The following TM7SF3 variants were observed in gnomAD, a reference collection of about 807,000 sequenced individuals.
The protein encoded by TM7SF3 is transmembrane 7 superfamily member 3.
TM7SF3 carries 60 observed loss-of-function variants against 65.5 expected under a neutral mutation model. That is an observed-to-expected ratio of 0.92 (90% CI 0.74 to 1.14). TM7SF3 has a LOEUF of 1.14. Among genes scored for constraint, TM7SF3 ranks in the 50% most tolerant of loss-of-function variants. TM7SF3 has a pLI of 0.00. For missense variants in TM7SF3, 623 were observed against 684.8 expected (o/e 0.91, Z 1.01); for synonymous variants, 264 against 259.6 (o/e 1.02, Z -0.16).
In TM7SF3 at chr12:26,999,647, G is replaced by A; in HGVS notation, c.276C>T (p.Gly92=). ...GGATGAAAACCAGTCCACTGGCAGTGCCTGTTTCCGAGGAATTGGAAAGGA... is the reference window on the plus strand; with the variant it reads ...GGATGAAAACCAGTCCACTGGCAGTACCTGTTTCCGAGGAATTGGAAAGGA... The part of the protein sequence containing the change: ...PTLLSNSSET[G]TASGLVFILR... Residue 92 remains glycine, a synonymous_variant, in exon 3 of 12, where the codon GGC becomes GGT. Transcript: ENST00000343028. The A allele has an allele frequency of 6.2e-7, 1 of 1,614,102 alleles. No individual in the cohort carries two copies. Among genetic ancestry groups the A allele is most frequent in the Non-Finnish European group, 8.5e-7 (1 of 1,180,026 alleles).
In TM7SF3 at chr12:27,014,212, G is replaced by A; in HGVS notation, c.-44C>T. The A allele has an allele frequency of 6.5e-7, 1 of 1,533,646 alleles. No homozygotes were observed. Among genetic ancestry groups the A allele is most frequent in the Non-Finnish European group, 8.8e-7 (1 of 1,135,994 alleles). ...GGGCCCACGCCAGGGCTGGGGAGAGGTGCGGGCGTGCGCGCCGGGGCCCCG... is the reference window on the plus strand; with the variant it reads ...GGGCCCACGCCAGGGCTGGGGAGAGATGCGGGCGTGCGCGCCGGGGCCCCG... On this transcript the variant is annotated 5_prime_UTR_variant, in exon 1 of 12. Transcript: ENST00000343028.
At chr12:27,002,391 C>T (rs138416844) in intron 2 of TM7SF3, among the ~76,000 whole-genome samples, 200 of 151,414 alleles carry the variant, frequency 1.3e-3, no homozygotes, top group Middle Eastern at 3.4e-3. Flanking sequence ...CATGATCACA[C>T]GACCACATTC....
intron 3 of TM7SF3, among the ~76,000 whole-genome samples, chr12:26,998,580 T>C (rs951361097): frequency 6.6e-6 from 1 of 152,204 alleles, no homozygotes; most frequent in Admixed American, 6.5e-5. Flanking sequence ...TTCCCTCTTA[T>C]ACTCCATAAC....
chr12:27,001,395 T>C (rs778744460), intron 2 of TM7SF3, among the ~76,000 whole-genome samples: 7 of 152,206 alleles, frequency 4.6e-5, no homozygotes, highest in Admixed American at 2.6e-4. Flanking sequence ...GATGTAGAAA[T>C]AGGCATCACT....
chr12:26,985,678 T>C (rs113625438), intron 6 of TM7SF3, among the ~76,000 whole-genome samples: 1,214 of 108,424 alleles, frequency 0.011, 36 homozygotes, highest in African/African-American at 0.037. Context: ...TATATATATA[T>C]ACACACACAC....
At chr12:26,991,222 G>A (rs1365335477) in intron 5 of TM7SF3, among the ~76,000 whole-genome samples, 1 of 142,360 alleles carries the variant, frequency 7.0e-6, no homozygotes, top group Admixed American at 7.5e-5. Flanking sequence ...GCGCAATCTC[G>A]GCTCACTGCA....
chr12:26,990,418 G>A (rs1940298455), intron 6 of TM7SF3, 32 bp downstream of exon 6: 1 of 1,557,026 alleles, frequency 6.4e-7, no homozygotes, highest in South Asian at 1.1e-5. Flanking sequence ...GGCCAAAGGA[G>A]AATTTGTAAA....
At position 26,991,629 on chromosome 12, in the gene TM7SF3, G is replaced by A. The variant is rs377215469; in HGVS notation, c.691-1002C>T. Among the ~76,000 whole-genome samples, 51 of 152,282 alleles carry A rather than the reference G, an allele frequency of 3.3e-4. 3 individuals carry two copies. In the South Asian group the frequency reaches 0.011, roughly 32 times the overall value. Reference sequence around the variant, plus strand: ...TACCATTGTTTAAAAATACTGCTTAGCCTTCAATAACTTGCTTCCTGGGCA... The same window carrying A: ...TACCATTGTTTAAAAATACTGCTTAACCTTCAATAACTTGCTTCCTGGGCA... On this transcript the variant is annotated intron_variant, in intron 5 of 11. Transcript: ENST00000343028.
intron 4 of TM7SF3, 123 bp downstream of exon 4, chr12:26,996,619 C>T (rs1157650980): frequency 4.2e-6 from 4 of 955,842 alleles, no homozygotes; most frequent in Non-Finnish European, 4.6e-6. Context: ...TACATCAATT[C>T]CCCCCAAAAA....
chr12:27,013,277 T>G (rs1369693833), intron 1 of TM7SF3, among the ~76,000 whole-genome samples: 5 of 152,220 alleles, frequency 3.3e-5, no homozygotes, highest in African/African-American at 7.2e-5. Flanking sequence ...CTATTTCCTG[T>G]TGGATATGAG....
chr12:27,011,532 T>A (rs957956260), intron 1 of TM7SF3, among the ~76,000 whole-genome samples: 1 of 152,230 alleles, frequency 6.6e-6, no homozygotes, highest in Non-Finnish European at 1.5e-5. Context: ...GCAAGTTAGC[T>A]CATCCTGCCA....
At chr12:26,977,376 T>TC (rs1249747269) in intron 9 of TM7SF3, among the ~76,000 whole-genome samples, 1 of 152,272 alleles carries the variant, frequency 6.6e-6, no homozygotes, top group African/African-American at 2.4e-5. Context: ...GCTCATTGCT[T>TC]CCCACATAAG....
rs1939525695 is a variant in TM7SF3, at chr12:26,975,499, T to C, written c.1447A>G (p.Asn483Asp). ...RAFTNVPFQT[N>D]DFIILAVWGM... ...TTTTTGGATTTAAGAGTCTTACCATTAGTTTGAAAAGGCACATTTGTGAAA... is the reference window on the plus strand; with the variant it reads ...TTTTTGGATTTAAGAGTCTTACCATCAGTTTGAAAAGGCACATTTGTGAAA... The change falls in exon 11 of 12, where the codon AAT (asparagine) becomes GAT (aspartate). Residue 483 changes from asparagine to aspartate, a missense_variant. Asn to Asp is a conservative substitution (Grantham distance 23, BLOSUM62 1). Transcript: ENST00000343028. 1 of 1,613,972 alleles carries C rather than the reference T, an allele frequency of 6.2e-7. No individual in the cohort carries two copies.
chr12:26,999,702 TGAATAG>T, intron 2 of TM7SF3, 26 bp from the exon 3 acceptor site: 1 of 1,612,662 alleles, frequency 6.2e-7, no homozygotes, highest in South Asian at 1.1e-5. Context: ...AACATTGTCA[TGAATAG>T]GAAGTCGACC....
intron 1 of TM7SF3, among the ~76,000 whole-genome samples, chr12:27,008,162 T>C (rs957196171): frequency 6.6e-6 from 1 of 151,872 alleles, no homozygotes; most frequent in African/African-American, 2.4e-5. Flanking sequence ...GTATACCGCA[T>C]CAACTTACTG....
At chr12:27,012,572 T>C (rs774327597) in intron 1 of TM7SF3, 6 of 455,368 alleles carry the variant, frequency 1.3e-5, no homozygotes, top group Non-Finnish European at 2.6e-5. Flanking sequence ...AAGCACATGA[T>C]GATCTGCCTG....
chr12:26,983,816 T>C (rs560213351), intron 6 of TM7SF3, among the ~76,000 whole-genome samples: 2 of 152,320 alleles, frequency 1.3e-5, no homozygotes, highest in East Asian at 3.9e-4. Context: ...AAATGTTGCA[T>C]TACAACCAAT....
intron 1 of TM7SF3, among the ~76,000 whole-genome samples, chr12:27,011,657 A>C (rs1017859517): frequency 6.6e-6 from 1 of 152,218 alleles, no homozygotes; most frequent in Non-Finnish European, 1.5e-5. Flanking sequence ...GGATTATGCA[A>C]GTCCTGAACT....
At chr12:26,996,277 T>C (rs1435180883) in intron 4 of TM7SF3, among the ~76,000 whole-genome samples, 1 of 152,150 alleles carries the variant, frequency 6.6e-6, no homozygotes, top group African/African-American at 2.4e-5. Context: ...ATAAAATTGT[T>C]AGGATTAAAT....
Sources: gnomAD v4.1 joint callset for allele counts (sites outside exome capture counted in the v4.1 genomes callset) on GRCh38, gnomAD v4.1.1 for gene constraint, MANE v1.5 for transcripts, NCBI Gene and HGNC (gene_info 2026-07-23, HGNC 2026-07-21) for gene names.